LRBA: variants seen among roughly 807,000 people sequenced by gnomAD.
The protein encoded by LRBA is LPS responsive beige-like anchor protein, also known as lipopolysaccharide-responsive and beige-like anchor protein.
Under a neutral mutation model 330.0 loss-of-function variants are expected in LRBA, and 176 were observed. The ratio of observed to expected loss-of-function variants is 0.53; its 90% CI spans 0.47 to 0.60. LRBA has a LOEUF of 0.60. Among genes scored for constraint, LRBA ranks in the 20% least tolerant of loss-of-function variants. The pLI is 0.00. For missense variants in LRBA, 3,259 were observed against 3,444.8 expected (o/e 0.95, Z 1.35); for synonymous variants, 1,230 against 1,193.0 (o/e 1.03, Z -0.64).
intron 2 of LRBA, among the ~76,000 whole-genome samples, chr4:150,980,548 G>T (rs778588398): frequency 6.6e-6 from 1 of 152,192 alleles, no homozygotes; most frequent in African/African-American, 2.4e-5. Flanking sequence ...GGGAGAGGGG[G>T]CTGAGGCAGG....
At chr4:150,454,252 A>C (rs1285354716) in intron 44 of LRBA, among the ~76,000 whole-genome samples, 1 of 152,018 alleles carries the variant, frequency 6.6e-6, no homozygotes. Flanking sequence ...AGCCACCACA[A>C]CCAACCTCAA....
intron 42 of LRBA, among the ~76,000 whole-genome samples, chr4:150,476,212 T>C (rs747817652): frequency 2.6e-5 from 4 of 152,192 alleles, no homozygotes; most frequent in Non-Finnish European, 5.9e-5. Context: ...GAGGAATTTA[T>C]TTCAGATATG....
At chr4:150,904,246 T>C (rs1255166545) in intron 13 of LRBA, among the ~76,000 whole-genome samples, 1 of 152,326 alleles carries the variant, frequency 6.6e-6, no homozygotes, top group East Asian at 1.9e-4. Context: ...TTTGTATGCA[T>C]TATATTGTAT....
At position 150,610,356 on chromosome 4, in the gene LRBA, G is replaced by A. The variant is rs1206343320; in HGVS notation, c.5922-11225C>T. Among the ~76,000 whole-genome samples, 5 of 152,158 alleles carry A rather than the reference G, an allele frequency of 3.3e-5. No homozygotes were observed. In the East Asian group the frequency reaches 5.8e-4, roughly 18 times the overall value. On this transcript the variant is annotated intron_variant, in intron 37 of 56. Coordinates refer to ENST00000651943, the MANE Select transcript of LRBA (RefSeq NM_001364905.1). ...TATAATCCCAGCACTTTGGGAGGCC[G>A]AGGTGGGTGAATCACGAGGTCAGGA... is the stretch of plus-strand genomic sequence containing the variant.
At chr4:150,692,399 T>C (rs1784220839) in intron 36 of LRBA, among the ~76,000 whole-genome samples, 1 of 151,998 alleles carries the variant, frequency 6.6e-6, no homozygotes, top group African/African-American at 2.4e-5. Flanking sequence ...TTTCGATTTA[T>C]TGTAGAGATG....
intron 37 of LRBA, among the ~76,000 whole-genome samples, chr4:150,634,791 A>C (rs996073070): frequency 4.6e-5 from 7 of 152,218 alleles, no homozygotes; most frequent in South Asian, 4.1e-4. Context: ...CCAAACAAAG[A>C]GGCTGATAAA....
Position 151,014,812 on chromosome 4 carries a change from G to A in LRBA, c.-170C>T, listed in dbSNP as rs1289257699. On this transcript the variant is annotated 5_prime_UTR_variant, in exon 2 of 57. Coordinates refer to ENST00000651943, the MANE Select transcript of LRBA (RefSeq NM_001364905.1). The stretch of plus-strand genomic sequence containing the variant: ...CCTTGGCGTCGCCCTCCTCCTCTTG[G>A]AGAATATTTGTCCAATCTCTCTCCC... 4 of 575,536 alleles carry A rather than the reference G, an allele frequency of 7.0e-6. No homozygotes were observed. Among genetic ancestry groups the A allele is most frequent in the African/African-American group, 1.9e-5 (1 of 53,684 alleles). The allele number at this position is 575,536 out of a possible 1,614,324, so 35.7% of individuals were successfully genotyped here. A position where few individuals can be genotyped will look rare whatever the true frequency, so the allele number is the denominator to read the frequency against.
chr4:150,468,808 G>GT, intron 43 of LRBA, among the ~76,000 whole-genome samples: 1 of 151,386 alleles, frequency 6.6e-6, no homozygotes, highest in Non-Finnish European at 1.5e-5. Context: ...CATACTCTTG[G>GT]TATCTAAGCC....
At chr4:150,669,574 T>C (rs180742599) in intron 37 of LRBA, among the ~76,000 whole-genome samples, 2 of 152,080 alleles carry the variant, frequency 1.3e-5, no homozygotes, top group Admixed American at 6.6e-5. Context: ...GTCTAATATT[T>C]TCTCTTTTTT....
At chr4:150,727,513 ATCTTC>A (rs1729864471) in intron 36 of LRBA, among the ~76,000 whole-genome samples, 1 of 152,228 alleles carries the variant, frequency 6.6e-6, no homozygotes, top group African/African-American at 2.4e-5. Flanking sequence ...AATATCAAGC[ATCTTC>A]TCTGACCACA....
At chr4:150,914,097 T>C in intron 9 of LRBA, 98 bp downstream of exon 9, 1 of 937,234 alleles carries the variant, frequency 1.1e-6, no homozygotes, top group Admixed American at 2.6e-5. Context: ...ATTTTTCTTT[T>C]TTTTTTTTGT....
At position 150,499,630 on chromosome 4, in the gene LRBA, C is replaced by CT. The variant is rs529579991; in HGVS notation, c.6331-8596dup. 3.5e-3 allele frequency among the ~76,000 whole-genome samples: 495 copies of CT among 141,578 alleles called. 1 individual carries two copies. The highest frequency in any genetic ancestry group is 5.2e-3 in the African/African-American group (201 of 38,870). The allele number at this position is 141,578 out of a possible 152,430, so 92.9% of individuals were successfully genotyped here. A position where few individuals can be genotyped will look rare whatever the true frequency, so the allele number is the denominator to read the frequency against. ...TGTACTTCAGGTTGGGCAACAGAGA[C>CT]TTTTTTTTTTTTTTAAGTATTTTTG... On this transcript the variant is annotated intron_variant, in intron 40 of 56. Transcript: ENST00000651943.
intron 2 of LRBA, among the ~76,000 whole-genome samples, chr4:150,965,545 T>A (rs961779069): frequency 6.6e-6 from 1 of 152,120 alleles, no homozygotes; most frequent in Non-Finnish European, 1.5e-5. Flanking sequence ...CATCTACCTA[T>A]CTATTTATTT....
Position 150,681,090 on chromosome 4 carries a change from T to C in LRBA, c.5921+2461A>G, listed in dbSNP as rs28641992. Among the ~76,000 whole-genome samples the C allele has an allele frequency of 3.2e-3, 492 of 152,360 alleles. 1 individual carries two copies. The highest frequency in any genetic ancestry group is 0.011 in the African/African-American group (475 of 41,584). ...CTTTAGATAAAATGCAAAGAAATTA[T>C]ACTTAATTTAATCCTCTTCACTAGA... On this transcript the variant is annotated intron_variant, in intron 37 of 56. Coordinates refer to ENST00000651943, the MANE Select transcript of LRBA (RefSeq NM_001364905.1).
intron 47 of LRBA, among the ~76,000 whole-genome samples, chr4:150,390,718 AT>A (rs1743790375): frequency 6.6e-6 from 1 of 152,070 alleles, no homozygotes; most frequent in South Asian, 2.1e-4. Context: ...CTGAGTAATC[AT>A]TTCTTCTACC....
chr4:150,600,781 T>TA (rs1264089853), intron 37 of LRBA, among the ~76,000 whole-genome samples: 3 of 152,170 alleles, frequency 2.0e-5, no homozygotes, highest in Non-Finnish European at 1.5e-5. Context: ...AGACAACAGT[T>TA]GTTTTAACTC....
intron 37 of LRBA, among the ~76,000 whole-genome samples, chr4:150,611,761 T>C (rs1446759502): frequency 6.6e-6 from 1 of 152,172 alleles, no homozygotes; most frequent in Non-Finnish European, 1.5e-5. Flanking sequence ...GCCTGAAAGC[T>C]ATTAATATTC....
intron 36 of LRBA, among the ~76,000 whole-genome samples, chr4:150,731,541 G>A (rs781161613): frequency 5.3e-5 from 8 of 152,100 alleles, no homozygotes; most frequent in Non-Finnish European, 8.8e-5. Flanking sequence ...TAAGCTATGC[G>A]CAGAAAGACA....
At chr4:150,672,109 T>C (rs1465103039) in intron 37 of LRBA, among the ~76,000 whole-genome samples, 1 of 152,182 alleles carries the variant, frequency 6.6e-6, no homozygotes, top group Non-Finnish European at 1.5e-5. Context: ...TCTTTGACTA[T>C]TTAAACACAG....
Sources: allele counts gnomAD v4.1 joint callset (sites outside exome capture counted in the v4.1 genomes callset), GRCh38; gene constraint gnomAD v4.1.1; transcripts MANE v1.5; gene names NCBI Gene and HGNC (gene_info 2026-07-23, HGNC 2026-07-21).